PARP16: variants seen among roughly 807,000 people sequenced by gnomAD.
PARP16 encodes the protein poly(ADP-ribose) polymerase family member 16.
In PARP16, 31 loss-of-function variants were observed where a neutral mutation model predicts 35.0. The ratio of observed to expected loss-of-function variants is 0.88; its 90% CI spans 0.66 to 1.19. The LOEUF (loss-of-function observed/expected upper bound fraction) is 1.19. Ranked by LOEUF, PARP16 falls within the 50% of genes most tolerant of loss-of-function variation. The pLI, the probability that PARP16 is intolerant of heterozygous loss-of-function variation, is 0.00. For synonymous variants in PARP16, 162 were observed against 169.5 expected (o/e 0.96, Z 0.34); for missense variants, 424 against 411.2 (o/e 1.03, Z -0.27).
At chr15:65,243,080 TAAAG>T (rs1453844643) in intron 3 of PARP16, among the ~76,000 whole-genome samples, 1 of 152,224 alleles carries the variant, frequency 6.6e-6, no homozygotes, top group East Asian at 1.9e-4. Flanking sequence ...CATTTATAAA[TAAAG>T]ACAGTTTTAC....
intron 1 of PARP16, among the ~76,000 whole-genome samples, chr15:65,280,847 G>A (rs1047768183): frequency 6.6e-6 from 1 of 152,174 alleles, no homozygotes; most frequent in African/African-American, 2.4e-5. Flanking sequence ...AGGACCAGGA[G>A]GCCCAATTAG....
At chr15:65,257,554 C>T (rs2089552648), downstream of PARP16, among the ~76,000 whole-genome samples, 2 of 150,066 alleles carry the variant, frequency 1.3e-5, no homozygotes, top group African/African-American at 2.5e-5. Context: ...TGCTTGAACC[C>T]GGGAGGCAGA....
At chr15:65,239,168 C>G (rs2088969072) in intron 3 of PARP16, among the ~76,000 whole-genome samples, 1 of 151,938 alleles carries the variant, frequency 6.6e-6, no homozygotes, top group Non-Finnish European at 1.5e-5. Context: ...TGGCTCATGC[C>G]TGTAATCCTA....
chr15:65,261,280 A>G (rs910858681), intron 4 of PARP16, among the ~76,000 whole-genome samples: 9 of 151,824 alleles, frequency 5.9e-5, no homozygotes, highest in Middle Eastern at 6.8e-3. Flanking sequence ...GAGTGGGGAG[A>G]ACAGAAGGAA....
intron 3 of PARP16, among the ~76,000 whole-genome samples, chr15:65,244,685 C>T (rs764938333): frequency 4.6e-5 from 7 of 152,240 alleles, no homozygotes; most frequent in African/African-American, 9.6e-5. Flanking sequence ...AGGATCTTGT[C>T]TGTCTTGTTT....
chr15:65,274,943 C>G (rs566008945), intron 1 of PARP16, among the ~76,000 whole-genome samples: 1 of 152,100 alleles, frequency 6.6e-6, no homozygotes, highest in Non-Finnish European at 1.5e-5. Context: ...TGGCAAAACA[C>G]CATCTCTACT....
intron 1 of PARP16, among the ~76,000 whole-genome samples, chr15:65,281,668 GC>G (rs1334644802): frequency 2.7e-5 from 4 of 147,560 alleles, no homozygotes; most frequent in Non-Finnish European, 5.9e-5. Context: ...TCCAGCCTGG[GC>G]AACAAGAGGG....
chr15:65,261,239 G>C (rs986563359), intron 4 of PARP16, among the ~76,000 whole-genome samples: 2 of 151,386 alleles, frequency 1.3e-5, no homozygotes, highest in African/African-American at 2.4e-5. Flanking sequence ...AAAATATAAG[G>C]GATACAAGGA....
intron 3 of PARP16, among the ~76,000 whole-genome samples, chr15:65,235,846 A>AT (rs1156350881): frequency 6.6e-6 from 1 of 150,944 alleles, no homozygotes; most frequent in East Asian, 2.0e-4. Context: ...AAAAAAAAAA[A>AT]AAATTGCAGA....
At chr15:65,277,243 T>C (rs2090286909) in intron 1 of PARP16, among the ~76,000 whole-genome samples, 2 of 152,150 alleles carry the variant, frequency 1.3e-5, no homozygotes, top group Admixed American at 6.6e-5. Context: ...AGGTCAGCAG[T>C]CACCTCCCAC....
intron 2 of PARP16, among the ~76,000 whole-genome samples, chr15:65,250,957 C>T (rs1203133510): frequency 2.0e-5 from 3 of 152,134 alleles, no homozygotes; most frequent in East Asian, 3.9e-4. Context: ...ACCTCCGCCT[C>T]GCTACAACCT....
At chr15:65,248,353 C>T (rs1750114097) in intron 2 of PARP16, 1 of 449,698 alleles carries the variant, frequency 2.2e-6, no homozygotes, top group Non-Finnish European at 4.5e-6. Flanking sequence ...CAGAGGCTCA[C>T]TGACATATTA....
chr15:65,286,437 T>G lies in PARP16; in HGVS notation c.-11A>C, dbSNP rs943095573. The G allele has an allele frequency of 8.1e-6, 12 of 1,474,236 alleles. No individual in the cohort carries two copies. Among genetic ancestry groups the G allele is most frequent in the African/African-American group, 1.5e-5 (1 of 68,496 alleles). The allele number at this position is 1,474,236 out of a possible 1,614,324, so 91.3% of individuals were successfully genotyped here. A position where few individuals can be genotyped will look rare whatever the true frequency, so the allele number is the denominator to read the frequency against. On this transcript the variant is annotated 5_prime_UTR_variant, in exon 1 of 6. Transcript: ENST00000649807. ...GCCTGAGGGCTGCATCCCAGGTCACTGCGCGTTGCCGGGGTAGACGCGCTG... is the reference window on the plus strand; with the variant it reads ...GCCTGAGGGCTGCATCCCAGGTCACGGCGCGTTGCCGGGGTAGACGCGCTG...
At chr15:65,253,038 G>A (rs556221746) in intron 2 of PARP16, among the ~76,000 whole-genome samples, 1 of 151,560 alleles carries the variant, frequency 6.6e-6, no homozygotes, top group Non-Finnish European at 1.5e-5. Flanking sequence ...GCTGAGGTAG[G>A]AGAATCACTT....
At chr15:65,246,297 G>T (rs903402682) in intron 3 of PARP16, among the ~76,000 whole-genome samples, 2 of 152,182 alleles carry the variant, frequency 1.3e-5, no homozygotes, top group Non-Finnish European at 2.9e-5. Context: ...AACCCTGGCT[G>T]AGAGGCACTA....
At chr15:65,237,462 G>A (rs1016296322) in intron 3 of PARP16, among the ~76,000 whole-genome samples, 5 of 152,148 alleles carry the variant, frequency 3.3e-5, no homozygotes, top group African/African-American at 1.2e-4. Flanking sequence ...TTGAGAAGAG[G>A]AGGACATCCT....
intron 1 of PARP16, among the ~76,000 whole-genome samples, chr15:65,276,812 C>T (rs1270103067): frequency 6.6e-6 from 1 of 151,920 alleles, no homozygotes; most frequent in African/African-American, 2.4e-5. Flanking sequence ...GAAACCCTGT[C>T]TTTACTAAAA....
At chr15:65,278,554 AAG>A (rs2090325952) in intron 1 of PARP16, among the ~76,000 whole-genome samples, 1 of 152,274 alleles carries the variant, frequency 6.6e-6, no homozygotes, top group South Asian at 2.1e-4. Context: ...TCACAGAGGA[AAG>A]AGAGGACCAA....
intron 1 of PARP16, among the ~76,000 whole-genome samples, chr15:65,284,337 C>CTTTTTTTTTTTTTTTTTTTTTTTTTT (rs34254507): frequency 1.5e-5 from 1 of 67,034 alleles, no homozygotes. Flanking sequence ...TTTCTTTCCT[C>CTTTTTTTTTTTTTTTTTTTTTTTTTT]TTTTTTTTTT....
Sources: gnomAD v4.1 joint callset for allele counts (sites outside exome capture counted in the v4.1 genomes callset) on GRCh38, gnomAD v4.1.1 for gene constraint, MANE v1.5 for transcripts, NCBI Gene and HGNC (gene_info 2026-07-23, HGNC 2026-07-21) for gene names.